Variants in CACNA2D3 observed in about 807,000 individuals in gnomAD.
CACNA2D3 encodes calcium voltage-gated channel auxiliary subunit alpha2delta 3.
Under a neutral mutation model 160.6 loss-of-function variants are expected in CACNA2D3, and 60 were observed. The ratio of observed to expected loss-of-function variants is 0.37; its 90% CI spans 0.30 to 0.46. The LOEUF is 0.46. Among genes scored for constraint, CACNA2D3 ranks in the 20% least tolerant of loss-of-function variants. The pLI is 1.00. For synonymous variants in CACNA2D3, 558 were observed against 492.9 expected (o/e 1.13, Z -1.75); for missense variants, 1,205 against 1,365.0 (o/e 0.88, Z 1.85).
chr3:54,668,786 ATGCAGCCTGGAAGGCCG>A (rs556119851), intron 11 of CACNA2D3, among the ~76,000 whole-genome samples: 272 of 152,352 alleles, frequency 1.8e-3, no homozygotes, highest in African/African-American at 6.1e-3. Flanking sequence ...GGCAGTGGTC[ATGCAGCCTGGAAGGCCG>A]TACAGTGTCC....
chr3:54,688,236 T>C (rs990180074), intron 11 of CACNA2D3, among the ~76,000 whole-genome samples: 1 of 152,244 alleles, frequency 6.6e-6, no homozygotes, highest in Non-Finnish European at 1.5e-5. Context: ...GATATTCATT[T>C]TAAATGTCCT....
intron 13 of CACNA2D3, among the ~76,000 whole-genome samples, chr3:54,781,847 C>T (rs540218805): frequency 6.6e-6 from 1 of 152,314 alleles, no homozygotes; most frequent in East Asian, 1.9e-4. Context: ...AGAGCAAATG[C>T]ATTATTTGCA....
At chr3:54,630,302 G>T (rs1039795529) in intron 10 of CACNA2D3, among the ~76,000 whole-genome samples, 1 of 152,058 alleles carries the variant, frequency 6.6e-6, no homozygotes, top group African/African-American at 2.4e-5. Context: ...GTCATTAGGA[G>T]TGTCTGCTCC....
chr3:54,337,064 A>G (rs923428321), intron 3 of CACNA2D3, among the ~76,000 whole-genome samples: 15 of 152,212 alleles, frequency 9.9e-5, no homozygotes, highest in African/African-American at 3.6e-4. Flanking sequence ...ATACACAGAC[A>G]TAGAACGAGA....
chr3:54,123,505 C>G lies in CACNA2D3; in HGVS notation c.123-8C>G. 3 of 1,611,674 alleles carry G rather than the reference C, an allele frequency of 1.9e-6. No individual in the cohort carries two copies. Among genetic ancestry groups the G allele is most frequent in the East Asian group, 2.2e-5 (1 of 44,872 alleles). ...TTACATATCTTCCTGTGCCCCTTCT[C>G]CCTGTAGGGTGAAGCTCTGGGCCTC... On this transcript the variant is annotated splice_polypyrimidine_tract_variant and splice_region_variant and intron_variant, in intron 1 of 37. Transcript: ENST00000474759.
At chr3:54,450,589 G>A (rs1700288876) in intron 4 of CACNA2D3, among the ~76,000 whole-genome samples, 1 of 151,944 alleles carries the variant, frequency 6.6e-6, no homozygotes, top group African/African-American at 2.4e-5. Flanking sequence ...ATTAGTTCTG[G>A]TGAGTGCTGG....
rs1553735007 is a variant in CACNA2D3, at chr3:54,148,974, C to CTAAAA, written c.204+25380_204+25381insTAAAA. ...CCTGGGTGACAGAGCAAAACTCCATCAAAAAAAAAAAAAAAAAAAAAATAG... is the reference window on the plus strand; with the variant it reads ...CCTGGGTGACAGAGCAAAACTCCATCTAAAAAAAAAAAAAAAAAAAAAAAAAATAG... On this transcript the variant is annotated intron_variant, in intron 2 of 37. Coordinates refer to ENST00000474759, the MANE Select transcript of CACNA2D3 (RefSeq NM_018398.3). Among the ~76,000 whole-genome samples, 3 of 116,586 alleles carry CTAAAA rather than the reference C, an allele frequency of 2.6e-5. 1 individual carries two copies. Among genetic ancestry groups the CTAAAA allele is most frequent in the Non-Finnish European group, 5.3e-5 (3 of 57,052 alleles). 76.5% of individuals were successfully genotyped at this position (116,586 alleles called of 152,430 possible).
intron 4 of CACNA2D3, among the ~76,000 whole-genome samples, chr3:54,438,485 AT>A (rs1245017775): frequency 6.6e-6 from 1 of 152,196 alleles, no homozygotes; most frequent in African/African-American, 2.4e-5. Context: ...TTCATGGCAG[AT>A]TTTAGAGCAA....
intron 10 of CACNA2D3, among the ~76,000 whole-genome samples, chr3:54,634,114 AAT>A (rs1699308269): frequency 6.6e-6 from 1 of 152,152 alleles, no homozygotes; most frequent in Middle Eastern, 3.2e-3. Context: ...ACTAGGCATT[AAT>A]ATCTTTAATT....
chr3:54,160,792 T>C (rs1663717249), intron 2 of CACNA2D3, among the ~76,000 whole-genome samples: 1 of 152,224 alleles, frequency 6.6e-6, no homozygotes, highest in African/African-American at 2.4e-5. Context: ...AAGACACTCA[T>C]TAACCAATTT....
At chr3:54,353,695 G>T (rs1698603512) in intron 3 of CACNA2D3, among the ~76,000 whole-genome samples, 1 of 152,120 alleles carries the variant, frequency 6.6e-6, no homozygotes, top group South Asian at 2.1e-4. Flanking sequence ...GCATTCCCTT[G>T]TCTCCCTGTG....
intron 27 of CACNA2D3, chr3:54,918,332 CTTT>C (rs533596688): frequency 0.012 from 2,744 of 227,648 alleles, 5 homozygotes; most frequent in African/African-American, 0.04. Context: ...TTTTTTTTTT[CTTT>C]TTTTTTTTTT....
intron 4 of CACNA2D3, among the ~76,000 whole-genome samples, chr3:54,414,461 G>T (rs1177737005): frequency 2.0e-5 from 3 of 152,002 alleles, no homozygotes; most frequent in African/African-American, 7.2e-5. Flanking sequence ...ATTTTATTTT[G>T]CAATTTAGAG....
At chr3:54,224,044 A>T (rs77667947) in intron 2 of CACNA2D3, among the ~76,000 whole-genome samples, 7 of 149,982 alleles carry the variant, frequency 4.7e-5, no homozygotes, top group African/African-American at 1.2e-4. Context: ...TTTCTATTAA[A>T]TTTTTTTTTT....
intron 9 of CACNA2D3, among the ~76,000 whole-genome samples, chr3:54,614,798 G>A (rs1698815791): frequency 6.6e-6 from 1 of 152,064 alleles, no homozygotes; most frequent in South Asian, 2.1e-4. Flanking sequence ...TAGCAAGTCT[G>A]AAGAGAAGCG....
chr3:54,337,699 T>G (rs1704416944), intron 3 of CACNA2D3, among the ~76,000 whole-genome samples: 1 of 152,104 alleles, frequency 6.6e-6, no homozygotes, highest in South Asian at 2.1e-4. Context: ...TTTCCGCCAT[T>G]CCCTCCTCCT....
chr3:54,599,794 T>G (rs1703029538), intron 9 of CACNA2D3, among the ~76,000 whole-genome samples: 1 of 152,192 alleles, frequency 6.6e-6, no homozygotes, highest in African/African-American at 2.4e-5. Flanking sequence ...ACTGAAGCTT[T>G]TAGTGCCGCG....
rs75532840 is a variant in CACNA2D3 at position 54,525,208 on chromosome 3, G to A, written c.544+21554G>A. On this transcript the variant is annotated intron_variant, in intron 5 of 37. Coordinates refer to ENST00000474759, the MANE Select transcript of CACNA2D3 (RefSeq NM_018398.3). The stretch of plus-strand genomic sequence containing the variant: ...TTTATTCCTGTGGATTTCAGTTACC[G>A]TCTGGATTTCTTAGCCGCATATATC... 4.1e-3 allele frequency among the ~76,000 whole-genome samples: 630 copies of A among 152,022 alleles called. 21 individuals are homozygous for A. In the East Asian group the frequency reaches 0.079, roughly 19 times the overall value.
chr3:54,231,969 A>G (rs958189978), intron 2 of CACNA2D3, among the ~76,000 whole-genome samples: 7 of 152,190 alleles, frequency 4.6e-5, no homozygotes, highest in Admixed American at 2.6e-4. Flanking sequence ...CCCACATGGT[A>G]TGGCTTGGCT....
Sources: gnomAD v4.1 joint callset for allele counts (sites outside exome capture counted in the v4.1 genomes callset) on GRCh38, gnomAD v4.1.1 for gene constraint, MANE v1.5 for transcripts, NCBI Gene and HGNC (gene_info 2026-07-23, HGNC 2026-07-21) for gene names.